TSHZ1: variants seen among roughly 807,000 people sequenced by gnomAD.
The protein encoded by TSHZ1 is teashirt homolog 1.
A neutral mutation model predicts 67.1 loss-of-function variants in TSHZ1; 12 were observed. The observed-to-expected ratio is 0.18, with a 90% confidence interval of 0.11 to 0.29. The LOEUF is 0.29. TSHZ1 is among the 10% of genes least tolerant of loss of function. The probability of loss-of-function intolerance (pLI) is 1.00; values close to 1 mark genes in which losing one functional copy is unlikely to be tolerated. For synonymous variants in TSHZ1, 632 were observed against 622.4 expected, an observed-to-expected ratio of 1.02 and a Z score of -0.23; for missense variants, 1,305 against 1,413.9, an observed-to-expected ratio of 0.92 and a Z score of 1.23.
chr18:75,231,150 A>C (rs2022993906), intron 1 of TSHZ1, among the ~76,000 whole-genome samples: 1 of 152,198 alleles, frequency 6.6e-6, no homozygotes, highest in Non-Finnish European at 1.5e-5. Context: ...GGCTCTGGGC[A>C]CACGAGGCGC....
chr18:75,283,047 G>A (rs908387545), intron 1 of TSHZ1: 8 of 152,314 alleles, frequency 5.3e-5, no homozygotes, highest in Non-Finnish European at 1.0e-4. Flanking sequence ...AAGCCGTGAG[G>A]CCGTTTCCTA....
chr18:75,285,211 A>G, intron 1 of TSHZ1: 1 of 354,220 alleles, frequency 2.8e-6, no homozygotes. Context: ...CATCTTTGGG[A>G]CGAGCACAGG....
chr18:75,242,975 C>G (rs2023175320), intron 1 of TSHZ1, among the ~76,000 whole-genome samples: 2 of 152,222 alleles, frequency 1.3e-5, no homozygotes, highest in African/African-American at 2.4e-5. Context: ...TCTGCTGTCC[C>G]TGAGGTGCAC....
rs776529264 is a variant in TSHZ1, at chr18:75,287,378, A to C, written c.1971A>C (p.Arg657Ser). 1.9e-6 allele frequency: 3 copies of C among 1,613,842 alleles called. No homozygotes were observed. In the South Asian group the frequency reaches 3.3e-5, roughly 18 times the overall value. ...TGKVNIKKEE[R>S]PPEKEKSSLA... is the part of the protein sequence containing the mutation. ...AGGTCAACATCAAGAAGGAGGAGAG[A>C]CCCCCTGAGAAGGAGAAGAGCTCCC... Residue 657 changes from arginine to serine, a missense_variant, in exon 2 of 2, where the codon AGA becomes AGC. Around this residue, in one of 3 missense-constraint regions of TSHZ1, gnomAD observed 909 missense variants for 961.8 expected, o/e 0.95. Coordinates refer to ENST00000580243, the MANE Select transcript of TSHZ1 (RefSeq NM_001308210.2). This position sits in a 1 kb window ranked among gnomAD's most constrained non-coding sequence, Gnocchi z 5.0.
rs936328288 is a variant in TSHZ1, at chr18:75,233,910, A to C, written c.40+21994A>C. Among the ~76,000 whole-genome samples, 7 of 152,250 alleles carry C rather than the reference A, an allele frequency of 4.6e-5. No homozygotes were observed. The East Asian group carries it at 7.7e-4, about 17-fold the overall frequency. On this transcript the variant is annotated intron_variant, in intron 1 of 1. Transcript: ENST00000580243. ...CTTTATGCAGTGGTTTGGGAGGATTAATTAATTGATTTTTAGATGCTTTTA... is the reference window on the plus strand; with the variant it reads ...CTTTATGCAGTGGTTTGGGAGGATTCATTAATTGATTTTTAGATGCTTTTA...
chr18:75,285,325 G>T, intron 1 of TSHZ1, 123 bp from the exon 2 acceptor site: 1 of 1,222,952 alleles, frequency 8.2e-7, no homozygotes, highest in African/African-American at 1.5e-5. Flanking sequence ...TAAACTTGGG[G>T]TAGCCTTGTG....
intron 1 of TSHZ1, among the ~76,000 whole-genome samples, chr18:75,245,013 A>G (rs116595195): frequency 6.6e-6 from 1 of 151,830 alleles, no homozygotes; most frequent in Non-Finnish European, 1.5e-5. Flanking sequence ...GCCCACATGC[A>G]CCATCTTTCT....
chr18:75,258,014 C>T lies in TSHZ1; in HGVS notation c.41-27434C>T, dbSNP rs560516654. ...AGCAGAGCGGGAAGAGAGGAATTCC[C>T]GGCCTGTGGAGCAGTGCTCCTGGAG... On this transcript the variant is annotated intron_variant, in intron 1 of 1. Coordinates refer to ENST00000580243, the MANE Select transcript of TSHZ1 (RefSeq NM_001308210.2). 7.9e-5 allele frequency among the ~76,000 whole-genome samples: 12 copies of T among 152,326 alleles called. No individual in the cohort carries two copies. In the South Asian group the frequency reaches 1.7e-3, roughly 21 times the overall value.
At chr18:75,231,021 A>G (rs955656637) in intron 1 of TSHZ1, among the ~76,000 whole-genome samples, 21 of 152,184 alleles carry the variant, frequency 1.4e-4, no homozygotes, top group African/African-American at 4.6e-4. Context: ...GCATTTCTCA[A>G]TGTGCATCCC....
chr18:75,240,735 G>A (rs567472268), intron 1 of TSHZ1, among the ~76,000 whole-genome samples: 81 of 152,252 alleles, frequency 5.3e-4, no homozygotes, highest in African/African-American at 1.9e-3. Context: ...CTGTGACTGC[G>A]TGGACACTCC....
chr18:75,217,371 C>T (rs2022783774), intron 1 of TSHZ1, among the ~76,000 whole-genome samples: 1 of 151,984 alleles, frequency 6.6e-6, no homozygotes, highest in African/African-American at 2.4e-5. Context: ...CCCCTCTCCC[C>T]TCCTCCAAGG....
intron 1 of TSHZ1, among the ~76,000 whole-genome samples, chr18:75,248,045 A>T (rs951932658): frequency 2.0e-5 from 3 of 152,182 alleles, no homozygotes; most frequent in East Asian, 1.9e-4. Context: ...TAGCCAAATA[A>T]TTTTTTTGAG....
intron 1 of TSHZ1, among the ~76,000 whole-genome samples, chr18:75,266,286 A>G (rs1163845889): frequency 6.6e-6 from 1 of 152,230 alleles, no homozygotes; most frequent in Non-Finnish European, 1.5e-5. Context: ...ATCAAACAGT[A>G]GCTCTTTGAG....
chr18:75,236,795 T>G (rs2023077599), intron 1 of TSHZ1, among the ~76,000 whole-genome samples: 1 of 152,174 alleles, frequency 6.6e-6, no homozygotes, highest in South Asian at 2.1e-4. Flanking sequence ...CTTATTATTC[T>G]CTTCATTTAT....
At chr18:75,282,791 C>T (rs1599057910) in intron 1 of TSHZ1, 1 of 152,356 alleles carries the variant, frequency 6.6e-6, no homozygotes, top group South Asian at 2.1e-4. Flanking sequence ...GATATGGTAG[C>T]CCAAGCTGAC....
chr18:75,221,873 A>G (rs1282102062), intron 1 of TSHZ1, among the ~76,000 whole-genome samples: 2 of 152,186 alleles, frequency 1.3e-5, no homozygotes, highest in East Asian at 1.9e-4. Context: ...TGTGCTGTGC[A>G]CAAATCTCCT....
intron 1 of TSHZ1, among the ~76,000 whole-genome samples, chr18:75,236,087 G>A (rs967302814): frequency 2.6e-5 from 4 of 152,122 alleles, no homozygotes; most frequent in African/African-American, 4.8e-5. Flanking sequence ...GATAGGAAGC[G>A]TGCATGATAG....
rs1025783310 is a variant in TSHZ1 at position 75,286,683 on chromosome 18, G to C, written c.1276G>C (p.Asp426His). 1 of 1,614,110 alleles carries C rather than the reference G, an allele frequency of 6.2e-7. No homozygotes were observed. Residue 426 changes from aspartate (D) to histidine (H), a missense_variant, in exon 2 of 2, where the codon GAC becomes CAC. Physicochemically the swap from Asp to His is moderately conservative, Grantham distance 81. Transcript: ENST00000580243. This position sits in a 1 kb window ranked among gnomAD's most constrained non-coding sequence, Gnocchi z 5.1. ...GTGCATGGAGTGTGGCAGCTCCCAC[G>C]ACACGCTGCAGCAGCTCACCGCCCA... ...LKCMECGSSH[D>H]TLQQLTAHMM...
intron 1 of TSHZ1, among the ~76,000 whole-genome samples, chr18:75,247,188 G>A (rs780870732): frequency 2.0e-5 from 3 of 152,014 alleles, no homozygotes; most frequent in East Asian, 1.9e-4. Context: ...ACCACCGACC[G>A]TACACCTTCA....
Sources: allele counts gnomAD v4.1 joint callset (sites outside exome capture counted in the v4.1 genomes callset), GRCh38; gene constraint gnomAD v4.1.1; regional missense constraint gnomAD v4.1.1; non-coding constraint Gnocchi (gnomAD v3.1); transcripts MANE v1.5; gene names NCBI Gene and HGNC (gene_info 2026-07-23, HGNC 2026-07-21).